Variants in CNTN4 observed in about 807,000 individuals in gnomAD.
CNTN4 encodes contactin-4.
CNTN4 carries 77 observed loss-of-function variants against 122.5 expected under a neutral mutation model. That is an observed-to-expected ratio of 0.63 (90% CI 0.52 to 0.76). CNTN4 has a LOEUF of 0.76. CNTN4 is among the 30% of genes least tolerant of loss of function. CNTN4 has a pLI of 0.00. For missense variants in CNTN4, 1,256 were observed against 1,259.1 expected, an observed-to-expected ratio of 1.00 and a Z score of 0.04; for synonymous variants, 512 against 447.0, an observed-to-expected ratio of 1.15 and a Z score of -1.83.
At chr3:2,703,951 G>A (rs534584801) in intron 4 of CNTN4, among the ~76,000 whole-genome samples, 1 of 152,108 alleles carries the variant, frequency 6.6e-6, no homozygotes, top group East Asian at 1.9e-4. Context: ...TAATTATTAG[G>A]GAAGAGGAGA....
rs540753339 is a variant in CNTN4 at position 2,865,156 on chromosome 3, T to A, written c.455-1596T>A. Among the ~76,000 whole-genome samples the A allele has an allele frequency of 3.3e-5, 5 of 152,352 alleles. No individual in the cohort carries two copies. In the South Asian group the frequency reaches 1.0e-3, roughly 32 times the overall value. On this transcript the variant is annotated intron_variant, in intron 7 of 24. Transcript: ENST00000418658. The stretch of plus-strand genomic sequence containing the variant: ...CTTGACACCAGCATGGGGTTACTTG[T>A]AATGACATGCACATGCGTAAATAAA...
chr3:2,440,696 ATATGTATATACACACG>A (rs879878414), intron 3 of CNTN4, among the ~76,000 whole-genome samples: 15 of 151,720 alleles, frequency 9.9e-5, no homozygotes, highest in African/African-American at 2.9e-4. Context: ...ATACGTATAT[ATATGTATATACACACG>A]TATGTATATA....
At chr3:2,622,414 C>A (rs2082024717) in intron 4 of CNTN4, among the ~76,000 whole-genome samples, 1 of 152,132 alleles carries the variant, frequency 6.6e-6, no homozygotes, top group Non-Finnish European at 1.5e-5. Context: ...GCCTCAACTC[C>A]CCAAGCAGTT....
In CNTN4 at chr3:2,223,949, G is replaced by A. The variant is rs190914104; in HGVS notation, c.-144-115229G>A. ...CTTACACAAAGGGATAGGAATTTGG[G>A]GCTTCTTGGGGGGCAGGTAGGTGTG... On this transcript the variant is annotated intron_variant, in intron 2 of 24. Coordinates refer to ENST00000418658, the MANE Select transcript of CNTN4 (RefSeq NM_175607.3). Among the ~76,000 whole-genome samples the A allele has an allele frequency of 4.3e-4, 65 of 152,272 alleles. No individual in the cohort carries two copies. The South Asian group carries it at 6.8e-3, about 16-fold the overall frequency.
At chr3:2,199,309 C>T (rs1433611391) in intron 2 of CNTN4, among the ~76,000 whole-genome samples, 1 of 152,108 alleles carries the variant, frequency 6.6e-6, no homozygotes, top group Non-Finnish European at 1.5e-5. Context: ...TCTGGCATTT[C>T]TCACGTGTAC....
At chr3:2,484,416 T>C (rs532388067) in intron 3 of CNTN4, among the ~76,000 whole-genome samples, 3 of 152,224 alleles carry the variant, frequency 2.0e-5, no homozygotes, top group Admixed American at 6.5e-5. Flanking sequence ...AAATGGCCTA[T>C]GAATACTAGA....
chr3:3,029,269 G>A (rs1698977927), intron 15 of CNTN4, among the ~76,000 whole-genome samples: 1 of 152,184 alleles, frequency 6.6e-6, no homozygotes, highest in Non-Finnish European at 1.5e-5. Context: ...ATGGATCATG[G>A]CTGTCAGTAA....
At chr3:2,112,051 G>T (rs2033002500) in intron 2 of CNTN4, among the ~76,000 whole-genome samples, 1 of 152,108 alleles carries the variant, frequency 6.6e-6, no homozygotes, top group Non-Finnish European at 1.5e-5. Flanking sequence ...TTGTTTTATG[G>T]TTGACTATTA....
intron 7 of CNTN4, among the ~76,000 whole-genome samples, chr3:2,827,715 A>G (rs1406918601): frequency 6.6e-6 from 1 of 152,206 alleles, no homozygotes; most frequent in Non-Finnish European, 1.5e-5. Context: ...CTCATAAGCC[A>G]AACCCTGTGT....
chr3:2,099,190 G>C (rs1218497892), intron 1 of CNTN4: 2 of 152,308 alleles, frequency 1.3e-5, no homozygotes, highest in African/African-American at 4.8e-5. Context: ...GTCGGGGAGC[G>C]GGAGCTGAAC....
intron 2 of CNTN4, among the ~76,000 whole-genome samples, chr3:2,146,511 G>C (rs2035254203): frequency 6.6e-6 from 1 of 152,036 alleles, no homozygotes; most frequent in Admixed American, 6.6e-5. Context: ...ATATGAAATT[G>C]ATACTTCATA....
intron 7 of CNTN4, among the ~76,000 whole-genome samples, chr3:2,821,382 G>C (rs2092868125): frequency 6.6e-6 from 1 of 152,198 alleles, no homozygotes; most frequent in Non-Finnish European, 1.5e-5. Flanking sequence ...GATGAGGCAT[G>C]AAGTCTGCAT....
chr3:2,477,521 T>C (rs2075867001), intron 3 of CNTN4, among the ~76,000 whole-genome samples: 2 of 152,166 alleles, frequency 1.3e-5, no homozygotes, highest in Admixed American at 1.3e-4. Flanking sequence ...AGTGAGCCTT[T>C]AGTCAAACAG....
intron 7 of CNTN4, among the ~76,000 whole-genome samples, chr3:2,860,714 T>G: frequency 6.6e-6 from 1 of 151,746 alleles, no homozygotes; most frequent in East Asian, 1.9e-4. Context: ...TATGACTTTA[T>G]ATTTATCATT....
intron 3 of CNTN4, among the ~76,000 whole-genome samples, chr3:2,485,586 A>G (rs1351983052): frequency 6.6e-6 from 1 of 152,004 alleles, no homozygotes; most frequent in Non-Finnish European, 1.5e-5. Context: ...AAGGTTTGTA[A>G]ATGCACCAAT....
intron 4 of CNTN4, among the ~76,000 whole-genome samples, chr3:2,693,565 T>G (rs1432175649): frequency 6.6e-6 from 1 of 152,178 alleles, no homozygotes; most frequent in Non-Finnish European, 1.5e-5. Context: ...CCTAGCAGTG[T>G]CTGTTCATCC....
At chr3:2,898,799 G>C (rs1465313724) in intron 10 of CNTN4, among the ~76,000 whole-genome samples, 1 of 151,838 alleles carries the variant, frequency 6.6e-6, no homozygotes, top group Non-Finnish European at 1.5e-5. Context: ...GGCTTTTCTT[G>C]TTTGCTTTGT....
chr3:2,399,620 G>A (rs1196101268), intron 3 of CNTN4, among the ~76,000 whole-genome samples: 1 of 150,854 alleles, frequency 6.6e-6, no homozygotes, highest in Non-Finnish European at 1.5e-5. Flanking sequence ...AATTGAATGA[G>A]ATAACACATG....
intron 14 of CNTN4, among the ~76,000 whole-genome samples, chr3:3,009,324 A>G (rs1400342543): frequency 6.6e-6 from 1 of 152,178 alleles, no homozygotes; most frequent in Non-Finnish European, 1.5e-5. Flanking sequence ...TAGTATCTGA[A>G]TGTTCCTTAT....
Sources: allele counts gnomAD v4.1 joint callset (sites outside exome capture counted in the v4.1 genomes callset), GRCh38; gene constraint gnomAD v4.1.1; transcripts MANE v1.5; gene names NCBI Gene and HGNC (gene_info 2026-07-23, HGNC 2026-07-21).